The following JAK3 variants were observed in gnomAD, a reference collection of about 807,000 sequenced individuals.
The protein encoded by JAK3 is tyrosine-protein kinase JAK3.
Under a neutral mutation model 120.8 loss-of-function variants are expected in JAK3, and 88 were observed. That is an observed-to-expected ratio of 0.73 (90% CI 0.61 to 0.87). The LOEUF (loss-of-function observed/expected upper bound fraction) is 0.87. Among genes scored for constraint, JAK3 ranks in the 40% least tolerant of loss-of-function variants. JAK3 has a pLI of 0.00. For missense variants in JAK3, 1,254 were observed against 1,501.4 expected (o/e 0.84, Z 2.72); for synonymous variants, 592 against 628.6 (o/e 0.94, Z 0.87).
In JAK3 at chr19:17,843,808, C is replaced by T. The variant is rs1219986698; in HGVS notation, c.277G>A (p.Ala93Thr). The change falls in exon 3 of 24, where the codon GCC (alanine) becomes ACC (threonine). Residue 93 changes from alanine (A) to threonine (T), a missense_variant. Physicochemically the swap from Ala to Thr is moderately conservative, Grantham distance 58 (BLOSUM62 0). Coordinates refer to ENST00000458235, the MANE Select transcript of JAK3 (RefSeq NM_000215.4). The surrounding 1 kb of genome is among the most constrained non-coding windows in gnomAD (Gnocchi z 5.4). Reference sequence around the variant, plus strand: ...CTGTACAGCAGGACTTGGGTGCTGGCATCCTCCACGGAGAAGATGTGGCTC... The same window carrying T: ...CTGTACAGCAGGACTTGGGTGCTGGTATCCTCCACGGAGAAGATGTGGCTC... ...PPSHIFSVEDASTQVLLYRIR... is the reference protein window; with the variant it reads ...PPSHIFSVEDTSTQVLLYRIR... 2 of 1,613,550 alleles carry T rather than the reference C, an allele frequency of 1.2e-6. No individual in the cohort carries two copies. The highest frequency in any genetic ancestry group is 2.7e-5 in the African/African-American group (2 of 74,842).
chr19:17,837,876 AC>A (rs1279612027), intron 12 of JAK3, 55 bp downstream of exon 12: 2 of 1,611,730 alleles, frequency 1.2e-6, no homozygotes, highest in East Asian at 4.5e-5. Flanking sequence ...CTCTGCATCC[AC>A]GACCCCCTCT....
chr19:17,829,015 A>G (rs904590419), intron 23 of JAK3, among the ~76,000 whole-genome samples: 4 of 151,200 alleles, frequency 2.6e-5, no homozygotes, highest in African/African-American at 9.8e-5. Flanking sequence ...AAAATTAGCC[A>G]GGCACAGTGG....
At position 17,841,336 on chromosome 19, in the gene JAK3, G is replaced by A. The variant is rs1197550813; in HGVS notation, c.1142+53C>T. On this transcript the variant is annotated intron_variant, in intron 8 of 23. Transcript: ENST00000458235. This position sits in a 1 kb window ranked among gnomAD's most constrained non-coding sequence, Gnocchi z 4.1. ...GGTGAGGACACTGAGGCATAGAGAA[G>A]GGGAGGGGCCCTGAGTGGCCACAGA... 16 of 1,523,070 alleles carry A rather than the reference G, an allele frequency of 1.1e-5. No individual in the cohort carries two copies. The highest frequency in any genetic ancestry group is 1.3e-5 in the Non-Finnish European group (15 of 1,135,184). The allele number at this position is 1,523,070 out of a possible 1,614,324, so 94.3% of individuals were successfully genotyped here. A position where few individuals can be genotyped will look rare whatever the true frequency, so the allele number is the denominator to read the frequency against.
At chr19:17,828,927 G>A (rs965530783) in intron 23 of JAK3, among the ~76,000 whole-genome samples, 1 of 152,106 alleles carries the variant, frequency 6.6e-6, no homozygotes, top group African/African-American at 2.4e-5. Flanking sequence ...GGCCGAGGCA[G>A]GAGGATCACT....
intron 17 of JAK3, 132 bp from the exon 18 acceptor site, chr19:17,833,061 A>C: frequency 1.4e-6 from 2 of 1,479,896 alleles, no homozygotes; most frequent in Non-Finnish European, 1.8e-6. Flanking sequence ...TTGCAAGCCA[A>C]AGGGTACCTT....
At chr19:17,847,772 G>T (rs966450423) in intron 1 of JAK3, among the ~76,000 whole-genome samples, 174 bp downstream of exon 1, 4 of 152,068 alleles carry the variant, frequency 2.6e-5, no homozygotes, top group African/African-American at 7.2e-5. Flanking sequence ...CCAGAGAAGC[G>T]AGCGATCGGA....
intron 14 of JAK3, among the ~76,000 whole-genome samples, 167 bp from the exon 15 acceptor site, chr19:17,835,382 C>T (rs961591940): frequency 6.6e-6 from 1 of 152,212 alleles, no homozygotes; most frequent in East Asian, 1.9e-4. Flanking sequence ...TCACCCCCTA[C>T]ACTGACCTGG....
chr19:17,834,597 C>T lies in JAK3; in HGVS notation c.2324G>A (p.Arg775His), dbSNP rs1251299279. The change falls in exon 17 of 24, where the codon CGT becomes CAT. Residue 775 changes from arginine to histidine, a missense_variant. Arg to His is a conservative substitution (Grantham distance 29). Transcript: ENST00000458235. ...TGAAGAGATGAGGCTATTGAGGTCA[C>T]GAATGACGGCTCGGAAGGAGGGCCT... ...VQRPSFRAVI[R>H]DLNSLISSDY... 1.9e-6 allele frequency: 3 copies of T among 1,612,302 alleles called. No individual in the cohort carries two copies. The highest frequency in any genetic ancestry group is 1.7e-5 in the Admixed American group (1 of 59,946).
chr19:17,838,234 G>T, intron 11 of JAK3, 29 bp downstream of exon 11: 3 of 1,613,808 alleles, frequency 1.9e-6, no homozygotes, highest in Non-Finnish European at 2.5e-6. Flanking sequence ...CCAGACTGAG[G>T]TATCGCCTCA....
rs143586866 is a variant in JAK3 at position 17,843,438 on chromosome 19, C to T, written c.362G>A (p.Arg121His). The T allele has an allele frequency of 1.1e-4, 172 of 1,599,896 alleles. 1 individual carries two copies. The highest frequency in any genetic ancestry group is 3.3e-4 in the Middle Eastern group (2 of 6,046). Residue 121 changes from arginine (R) to histidine (H), a missense_variant, in exon 4 of 24, where the codon CGC becomes CAC. Around this residue, in one of 3 missense-constraint regions of JAK3, gnomAD observed 138 missense variants for 178.7 expected, o/e 0.77. Transcript: ENST00000458235. This position sits in a 1 kb window ranked among gnomAD's most constrained non-coding sequence, Gnocchi z 5.4. ...GLEKCHRFGL[R>H]KDLASAILDL... ...AAGGATAGCACTGGCCAAATCCTTGCGTAGCCCGAAGCGGTGGCACTTCTC... is the reference window on the plus strand; with the variant it reads ...AAGGATAGCACTGGCCAAATCCTTGTGTAGCCCGAAGCGGTGGCACTTCTC...
Position 17,833,657 on chromosome 19 carries a change from C to G in JAK3, c.2351-728G>C, listed in dbSNP as rs180848842. Among the ~76,000 whole-genome samples the G allele has an allele frequency of 1.3e-3, 204 of 151,820 alleles. 1 individual carries two copies. The highest frequency in any genetic ancestry group is 2.4e-3 in the Non-Finnish European group (160 of 67,988). Reference sequence around the variant, plus strand: ...TTTGAGACCAGGAGTTCAAGACTAGCCCGGCCAACATGGCAAAACCCTGTC... The same window carrying G: ...TTTGAGACCAGGAGTTCAAGACTAGGCCGGCCAACATGGCAAAACCCTGTC... On this transcript the variant is annotated intron_variant, in intron 17 of 23. Coordinates refer to ENST00000458235, the MANE Select transcript of JAK3 (RefSeq NM_000215.4).
rs754849982 is a variant in JAK3, at chr19:17,843,079, G to A, written c.514C>T (p.Arg172Trp). The A allele has an allele frequency of 3.1e-6, 5 of 1,610,606 alleles. No individual in the cohort carries two copies. In the South Asian group the frequency reaches 4.4e-5, roughly 14 times the overall value. The stretch of plus-strand genomic sequence containing the variant: ...CGCTGGGCCTGCTCTCGCGCCATCC[G>A]GGCCAGGTCCAACACGGCCAGGCTG... ...CLSLAVLDLA[R>W]MAREQAQRPG... Residue 172 changes from arginine (R) to tryptophan (W), a missense_variant, in exon 5 of 24, where the codon CGG becomes TGG. Coordinates refer to ENST00000458235, the MANE Select transcript of JAK3 (RefSeq NM_000215.4). The surrounding 1 kb of genome is among the most constrained non-coding windows in gnomAD (Gnocchi z 5.4).
intron 17 of JAK3, 65 bp downstream of exon 17, chr19:17,834,506 C>G: frequency 1.9e-6 from 3 of 1,598,844 alleles, no homozygotes; most frequent in East Asian, 2.2e-5. Flanking sequence ...CTGCAAACCA[C>G]GCTCCTTCCA....
Position 17,830,503 on chromosome 19 carries a change from G to A in JAK3, c.3096C>T (p.Ala1032=), listed in dbSNP as rs2094211929. ...TGGGGGCTCTGGGAAGCCGACTCAC[G>A]GCCGAGGGGCTGCAGCTTTTGTCGC... ...TYCDKSCSPS[A]EFLRMMGCER... The change falls in exon 22 of 24, where the codon GCC becomes GCT. Residue 1032 remains alanine (A), a splice_region_variant and synonymous_variant. Coordinates refer to ENST00000458235, the MANE Select transcript of JAK3 (RefSeq NM_000215.4). The A allele has an allele frequency of 6.2e-7, 1 of 1,612,252 alleles. No individual in the cohort carries two copies. Among genetic ancestry groups the A allele is most frequent in the Non-Finnish European group, 8.5e-7 (1 of 1,178,714 alleles).
chr19:17,847,317 A>C (rs919158761), intron 1 of JAK3, among the ~76,000 whole-genome samples: 3 of 152,194 alleles, frequency 2.0e-5, no homozygotes, highest in Non-Finnish European at 4.4e-5. Context: ...CCTGAACAAC[A>C]TAGCAAGACT....
At position 17,835,204 on chromosome 19, in the gene JAK3, G is replaced by T. The variant is rs746059818; in HGVS notation, c.1926C>A (p.Gly642=). ...AYALNYLEDK[G]LPHGNVSARK... is the part of the protein sequence containing the mutation. Reference sequence around the variant, plus strand: ...GGGCAGAGACATTGCCATGGGGCAGGCCTTTGTCCTCCTAAGGGGGCCAGA... The same window carrying T: ...GGGCAGAGACATTGCCATGGGGCAGTCCTTTGTCCTCCTAAGGGGGCCAGA... Residue 642 remains glycine, a synonymous_variant, in exon 15 of 24, where the codon GGC becomes GGA. Transcript: ENST00000458235. The T allele has an allele frequency of 3.7e-6, 6 of 1,614,016 alleles. No individual in the cohort carries two copies. The South Asian group carries it at 6.6e-5, about 18-fold the overall frequency.
chr19:17,837,327 G>T (rs1568403861), intron 12 of JAK3, 114 bp from the exon 13 acceptor site: 9 of 792,978 alleles, frequency 1.1e-5, no homozygotes, highest in Non-Finnish European at 1.5e-5. Context: ...GTCACCTTTG[G>T]CCCTGGAGTC....
rs747854515 is a variant in JAK3, at chr19:17,838,015, G to T, written c.1618C>A (p.Arg540Ser). The T allele has an allele frequency of 6.2e-6, 10 of 1,614,056 alleles. No individual in the cohort carries two copies. The South Asian group carries it at 1.1e-4, about 18-fold the overall frequency. Residue 540 changes from arginine to serine, a missense_variant, in exon 12 of 24, where the codon CGC becomes AGC. Arg to Ser is a moderately radical substitution (Grantham distance 110). This residue lies in a region of JAK3 where 630 missense variants were observed against 819.8 expected (regional missense o/e 0.77). Coordinates refer to ENST00000458235, the MANE Select transcript of JAK3 (RefSeq NM_000215.4). ...GSFTKIYRGCRHEVVDGEARK... is the reference protein window; with the variant it reads ...GSFTKIYRGCSHEVVDGEARK... Reference sequence around the variant, plus strand: ...GCCTCCCCATCCACCACCTCATGGCGACAGCCCCGGTAAATCTTGGTGAAG... The same window carrying T: ...GCCTCCCCATCCACCACCTCATGGCTACAGCCCCGGTAAATCTTGGTGAAG...
In JAK3 at chr19:17,831,085, G is replaced by A; in HGVS notation, c.2978+143C>T. 1.3e-6 allele frequency: 1 copy of A among 781,634 alleles called. No homozygotes were observed. Among genetic ancestry groups the A allele is most frequent in the Non-Finnish European group, 2.0e-6 (1 of 488,722 alleles). 48.4% of individuals were successfully genotyped at this position (781,634 alleles called of 1,614,324 possible). A position where few individuals can be genotyped will look rare whatever the true frequency, so the allele number is the denominator to read the frequency against. ...TGCTGTTGAGGGGGCGGGGCTCTGGGGAGTGGGAGGGGCCAAAGCTGCAGC... is the reference window on the plus strand; with the variant it reads ...TGCTGTTGAGGGGGCGGGGCTCTGGAGAGTGGGAGGGGCCAAAGCTGCAGC... On this transcript the variant is annotated intron_variant, in intron 21 of 23. Coordinates refer to ENST00000458235, the MANE Select transcript of JAK3 (RefSeq NM_000215.4). The surrounding 1 kb of genome is among the most constrained non-coding windows in gnomAD (Gnocchi z 5.1).
Sources: gnomAD v4.1 joint callset for allele counts (sites outside exome capture counted in the v4.1 genomes callset) on GRCh38, gnomAD v4.1.1 for gene constraint, gnomAD v4.1.1 regional missense constraint, Gnocchi (gnomAD v3.1) non-coding constraint, MANE v1.5 for transcripts, NCBI Gene and HGNC (gene_info 2026-07-23, HGNC 2026-07-21) for gene names.